The following PITRM1 variants were observed in gnomAD, a reference collection of about 807,000 sequenced individuals.
PITRM1 encodes presequence protease, mitochondrial.
A neutral mutation model predicts 129.9 loss-of-function variants in PITRM1; 100 were observed. The ratio of observed to expected loss-of-function variants is 0.77; its 90% CI spans 0.65 to 0.91. The LOEUF (loss-of-function observed/expected upper bound fraction) is 0.91. Among genes scored for constraint, PITRM1 ranks in the 40% least tolerant of loss-of-function variants. The pLI, the probability that PITRM1 is intolerant of heterozygous loss-of-function variation, is 0.00. For missense variants in PITRM1, 1,471 were observed against 1,318.3 expected (o/e 1.12, Z -1.79); for synonymous variants, 591 against 508.8 (o/e 1.16, Z -2.17).
chr10:3,158,195 C>T (rs375140731), intron 10 of PITRM1, 42 bp from the exon 11 acceptor site: 79 of 1,097,914 alleles, frequency 7.2e-5, no homozygotes, highest in Middle Eastern at 5.8e-4. Context: ...AATCCGGGCA[C>T]GTTCATCATG....
chr10:3,156,786 TG>T, intron 13 of PITRM1, 143 bp downstream of exon 13: 1 of 557,124 alleles, frequency 1.8e-6, no homozygotes, highest in Non-Finnish European at 3.0e-6. Context: ...ATTAAGTTAA[TG>T]TAAGCATTTA....
intron 1 of PITRM1, among the ~76,000 whole-genome samples, chr10:3,171,502 G>C (rs57251181): frequency 6.6e-6 from 1 of 152,092 alleles, no homozygotes; most frequent in South Asian, 2.1e-4. Flanking sequence ...GGAGTGCAGC[G>C]GTGCAATCTC....
chr10:3,140,535 G>A (rs1057002114), intron 24 of PITRM1, among the ~76,000 whole-genome samples, 152 bp downstream of exon 24: 2 of 152,168 alleles, frequency 1.3e-5, no homozygotes, highest in African/African-American at 2.4e-5. Context: ...GGACATTGCT[G>A]GGTGTGGCTA....
intron 21 of PITRM1, 128 bp downstream of exon 21, chr10:3,145,468 C>T: frequency 1.3e-6 from 1 of 743,082 alleles, no homozygotes; most frequent in South Asian, 1.8e-5. Flanking sequence ...GTTTCTTCAT[C>T]TGCGTACGGG....
At chr10:3,143,139 T>A (rs1840431526) in intron 23 of PITRM1, 1 of 508,014 alleles carries the variant, frequency 2.0e-6, no homozygotes, top group African/African-American at 1.9e-5. Flanking sequence ...GTCATAGGTA[T>A]CTGTATTGTT....
At chr10:3,168,072 C>T (rs185157365) in intron 2 of PITRM1, 4 of 152,504 alleles carry the variant, frequency 2.6e-5, no homozygotes, top group African/African-American at 9.6e-5. Context: ...CACACCACGT[C>T]CCTGTGATCA....
At position 3,163,721 on chromosome 10, in the gene PITRM1, T is replaced by A; in HGVS notation, c.791+4A>T. On this transcript the variant is annotated splice_donor_region_variant and intron_variant, in intron 7 of 26. Coordinates refer to ENST00000224949, the MANE Select transcript of PITRM1 (RefSeq NM_014889.4). ...ACCATCAAACTTTTCCAACAAAATA[T>A]TACCTAGCATTGCTTGGGTGATAGT... 1 of 1,589,276 alleles carries A rather than the reference T, an allele frequency of 6.3e-7. No individual in the cohort carries two copies. Among genetic ancestry groups the A allele is most frequent in the Non-Finnish European group, 8.6e-7 (1 of 1,167,924 alleles).
intron 14 of PITRM1, among the ~76,000 whole-genome samples, 175 bp downstream of exon 14, chr10:3,155,416 C>T (rs1281663447): frequency 6.6e-6 from 1 of 152,222 alleles, no homozygotes; most frequent in East Asian, 1.9e-4. Flanking sequence ...TACTGAGCTA[C>T]ACGGGCGATT....
At chr10:3,167,084 A>G (rs766552023) in intron 2 of PITRM1, 42 bp from the exon 3 acceptor site, 1 of 1,239,314 alleles carries the variant, frequency 8.1e-7, no homozygotes, top group South Asian at 1.3e-5. Context: ...ACTTAGACAA[A>G]ATGGCCTTTG....
Position 3,168,955 on chromosome 10 carries a change from C to T in PITRM1, c.159+1149G>A, listed in dbSNP as rs1301859714. Among the ~76,000 whole-genome samples, 2 of 57,900 alleles carry T rather than the reference C, an allele frequency of 3.5e-5. 1 individual carries two copies. The highest frequency in any genetic ancestry group is 7.4e-5 in the Non-Finnish European group (2 of 26,896). The allele number at this position is 57,900 out of a possible 152,430, so 38.0% of individuals were successfully genotyped here. On this transcript the variant is annotated intron_variant, in intron 2 of 26. Coordinates refer to ENST00000224949, the MANE Select transcript of PITRM1 (RefSeq NM_014889.4). Reference sequence around the variant, plus strand: ...ACACACACACACACACACACACACACACACACACACAATTAGCCAGGCGTG... The same window carrying T: ...ACACACACACACACACACACACACATACACACACACAATTAGCCAGGCGTG...
At chr10:3,144,478 G>A (rs1458148396) in intron 21 of PITRM1, 112 bp from the exon 22 acceptor site, 2 of 650,108 alleles carry the variant, frequency 3.1e-6, no homozygotes, top group South Asian at 1.9e-5. Flanking sequence ...GTTAGGGCAG[G>A]TGTAAGTGTT....
chr10:3,158,829 G>C, intron 10 of PITRM1, 85 bp downstream of exon 10: 2 of 1,254,344 alleles, frequency 1.6e-6, no homozygotes, highest in Non-Finnish European at 2.3e-6. Flanking sequence ...TGTCAAGTGT[G>C]GGGCCGGGAC....
At chr10:3,162,823 C>T (rs1351767475) in intron 7 of PITRM1, among the ~76,000 whole-genome samples, 1 of 152,234 alleles carries the variant, frequency 6.6e-6, no homozygotes, top group African/African-American at 2.4e-5. Context: ...CTAGAGGGTG[C>T]CCAGGAGAAA....
rs1215526581 is a variant in PITRM1, at chr10:3,163,970, C to T, written c.631-85G>A. Reference sequence around the variant, plus strand: ...TACTTACAATATAGCCAATTGATCACATTCTGGTGCATACACCTGTAATAC... The same window carrying T: ...TACTTACAATATAGCCAATTGATCATATTCTGGTGCATACACCTGTAATAC... On this transcript the variant is annotated intron_variant, in intron 6 of 26. Coordinates refer to ENST00000224949, the MANE Select transcript of PITRM1 (RefSeq NM_014889.4). 4 of 790,438 alleles carry T rather than the reference C, an allele frequency of 5.1e-6. No homozygotes were observed. The East Asian group carries it at 1.3e-4, about 25-fold the overall frequency. 49.0% of individuals were successfully genotyped at this position (790,438 alleles called of 1,614,324 possible).
intron 25 of PITRM1, 179 bp from the exon 26 acceptor site, chr10:3,138,516 A>G: frequency 1.6e-6 from 1 of 632,036 alleles, no homozygotes; most frequent in Non-Finnish European, 2.9e-6. Context: ...CCCACGTGCC[A>G]CGCTGACCCC....
Position 3,147,834 on chromosome 10 carries a change from A to G in PITRM1, c.2070-97T>C, listed in dbSNP as rs1482645057. ...ATTAAGTTTTCAGAGTACTTTAACA[A>G]CCAAAGAAATTTTATAAGTCCATAT... On this transcript the variant is annotated intron_variant, in intron 18 of 26. Transcript: ENST00000224949. 3.9e-6 allele frequency: 5 copies of G among 1,280,840 alleles called. No individual in the cohort carries two copies. The African/African-American group carries it at 7.5e-5, about 19-fold the overall frequency. 79.3% of individuals were successfully genotyped at this position (1,280,840 alleles called of 1,614,324 possible).
chr10:3,138,815 C>T lies in PITRM1; in HGVS notation c.2917+89G>A, dbSNP rs575599704. The stretch of plus-strand genomic sequence containing the variant: ...AGGATGGAGGCACCAGAAGCTAGTG[C>T]TCCTGCCCATGCATGCCGGGAACTT... On this transcript the variant is annotated intron_variant, in intron 25 of 26. Transcript: ENST00000224949. The T allele has an allele frequency of 6.4e-6, 8 of 1,248,100 alleles. No homozygotes were observed. In the African/African-American group the frequency reaches 1.2e-4, roughly 18 times the overall value. 77.3% of individuals were successfully genotyped at this position (1,248,100 alleles called of 1,614,324 possible). A position where few individuals can be genotyped will look rare whatever the true frequency, so the allele number is the denominator to read the frequency against.
chr10:3,158,126 G>A lies in PITRM1; in HGVS notation c.1164C>T (p.Tyr388=). 1 of 1,607,342 alleles carries A rather than the reference G, an allele frequency of 6.2e-7. No individual in the cohort carries two copies. The highest frequency in any genetic ancestry group is 1.7e-5 in the Admixed American group (1 of 59,592). The change falls in exon 11 of 27, where the codon TAC becomes TAT. Residue 388 remains tyrosine, a synonymous_variant. Coordinates refer to ENST00000224949, the MANE Select transcript of PITRM1 (RefSeq NM_014889.4). ...CAATCCCTTGGAGGCCGACACTAAA[G>A]TAGGCCTCCCTCGTGTAGCCATTAT... ...VGYNGYTREA[Y]FSVGLQGIAE...
intron 16 of PITRM1, 64 bp downstream of exon 16, chr10:3,149,557 G>A (rs141385353): frequency 9.7e-6 from 14 of 1,445,246 alleles, no homozygotes; most frequent in African/African-American, 1.4e-5. Context: ...TGATGCATTA[G>A]AATACAGATA....
Sources: gnomAD v4.1 joint callset for allele counts (sites outside exome capture counted in the v4.1 genomes callset) on GRCh38, gnomAD v4.1.1 for gene constraint, MANE v1.5 for transcripts, NCBI Gene and HGNC (gene_info 2026-07-23, HGNC 2026-07-21) for gene names.